The following FCF1 variants were observed in gnomAD, a reference collection of about 807,000 sequenced individuals.
FCF1 encodes the protein FCF1 rRNA-processing protein, also known as rRNA-processing protein FCF1 homolog.
Under a neutral mutation model 32.5 loss-of-function variants are expected in FCF1, and 17 were observed. The observed-to-expected ratio is 0.52, with a 90% CI of 0.36 to 0.78. The LOEUF (loss-of-function observed/expected upper bound fraction) is 0.78, where lower values mean the gene tolerates loss of function less well. Ranked by LOEUF, FCF1 falls within the 30% of genes least tolerant of loss-of-function variation. FCF1 has a pLI of 0.00. For missense variants in FCF1, 201 were observed against 241.1 expected (o/e 0.83, Z 1.10); for synonymous variants, 84 against 78.4 (o/e 1.07, Z -0.38).
At position 74,734,921 on chromosome 14, in the gene FCF1, T is replaced by G. The variant is rs755428811; in HGVS notation, c.588T>G (p.Pro196=). 1 of 1,613,754 alleles carries G rather than the reference T, an allele frequency of 6.2e-7. No individual in the cohort carries two copies. The highest frequency in any genetic ancestry group is 1.3e-5 in the African/African-American group (1 of 75,028). The change falls in exon 8 of 8, where the codon CCT becomes CCG. Residue 196 remains proline (P), a synonymous_variant. Transcript: ENST00000341162. ...IERMPDDYGA[P]RF ...GGATGCCAGATGATTATGGAGCCCC[T>G]CGATTCTAATTCTTACAAGACACAG...
intron 4 of FCF1, among the ~76,000 whole-genome samples, chr14:74,717,639 G>A (rs899689672): frequency 6.6e-6 from 1 of 152,182 alleles, no homozygotes; most frequent in African/African-American, 2.4e-5. Flanking sequence ...GACCCCATAT[G>A]GGGGAAGACA....
intron 5 of FCF1, 91 bp downstream of exon 5, chr14:74,723,435 G>C: frequency 1.1e-6 from 1 of 936,152 alleles, no homozygotes; most frequent in South Asian, 1.6e-5. Flanking sequence ...AGTTAGTTGT[G>C]AAAATCATAC....
intron 6 of FCF1, 54 bp downstream of exon 6, chr14:74,732,872 T>A: frequency 7.9e-6 from 8 of 1,012,706 alleles, no homozygotes; most frequent in Non-Finnish European, 1.2e-5. Context: ...AAATGTAAAC[T>A]ATTATCTCCT....
intron 4 of FCF1, among the ~76,000 whole-genome samples, chr14:74,721,234 A>G (rs2090498343): frequency 6.6e-6 from 1 of 151,754 alleles, no homozygotes; most frequent in East Asian, 2.0e-4. Flanking sequence ...TTTAGTAGAG[A>G]TGAGGTTTCA....
chr14:74,713,741 A>C (rs975780290), intron 2 of FCF1, 189 bp downstream of exon 2: 9 of 614,478 alleles, frequency 1.5e-5, no homozygotes, highest in Non-Finnish European at 2.3e-5. Flanking sequence ...GGCGATGGGA[A>C]TTAAACATTT....
chr14:74,728,880 T>C (rs1354942256), intron 5 of FCF1, among the ~76,000 whole-genome samples: 1 of 152,152 alleles, frequency 6.6e-6, no homozygotes, highest in South Asian at 2.1e-4. Flanking sequence ...TTGTCTTTGG[T>C]TCTGTTTATA....
rs780566531 is a variant in FCF1, at chr14:74,713,159, C to T, written c.-39C>T. 5 of 1,614,142 alleles carry T rather than the reference C, an allele frequency of 3.1e-6. No individual in the cohort carries two copies. The highest frequency in any genetic ancestry group is 2.2e-5 in the East Asian group (1 of 44,868). On this transcript the variant is annotated 5_prime_UTR_variant, in exon 1 of 8. Transcript: ENST00000341162. Reference sequence around the variant, plus strand: ...TGTGAATGACGTAGAAGTATTGCGCCGTTGGTGATTACGGAAGAACCAGGA... The same window carrying T: ...TGTGAATGACGTAGAAGTATTGCGCTGTTGGTGATTACGGAAGAACCAGGA...
chr14:74,718,009 G>C (rs1280612318), intron 4 of FCF1, among the ~76,000 whole-genome samples: 1 of 152,120 alleles, frequency 6.6e-6, no homozygotes, highest in Non-Finnish European at 1.5e-5. Context: ...CCAGTAGCTA[G>C]GACATGCCAC....
In FCF1 at chr14:74,727,466, C is replaced by T. The variant is rs542659566; in HGVS notation, c.365+4122C>T. ...TTTTGATGGGGTTGTTTGTTTTTTT[C>T]TTGTAAATTTGTTTGAGTTCATTGT... is the stretch of plus-strand genomic sequence containing the variant. On this transcript the variant is annotated intron_variant, in intron 5 of 7. Coordinates refer to ENST00000341162, the MANE Select transcript of FCF1 (RefSeq NM_015962.5). Among the ~76,000 whole-genome samples the T allele has an allele frequency of 2.0e-3, 302 of 151,896 alleles. 1 individual carries two copies. Among genetic ancestry groups the T allele is most frequent in the Middle Eastern group, 3.4e-3 (1 of 294 alleles).
At chr14:74,728,814 G>A (rs1469320131) in intron 5 of FCF1, among the ~76,000 whole-genome samples, 1 of 152,178 alleles carries the variant, frequency 6.6e-6, no homozygotes, top group African/African-American at 2.4e-5. Flanking sequence ...AGCATGAAGC[G>A]ATGTTGACTT....
intron 1 of FCF1, 126 bp from the exon 2 acceptor site, chr14:74,713,359 C>T (rs1566712186): frequency 6.4e-7 from 1 of 1,556,690 alleles, no homozygotes; most frequent in East Asian, 2.3e-5. Flanking sequence ...TTATGCTTTA[C>T]AGAGTGGGGA....
intron 5 of FCF1, among the ~76,000 whole-genome samples, chr14:74,725,292 T>A (rs1330541860): frequency 6.7e-6 from 1 of 150,150 alleles, no homozygotes; most frequent in Non-Finnish European, 1.5e-5. Context: ...GGAGTGATCC[T>A]CAACATGGTG....
At chr14:74,728,342 A>G (rs1172073221) in intron 5 of FCF1, among the ~76,000 whole-genome samples, 3 of 151,982 alleles carry the variant, frequency 2.0e-5, no homozygotes, top group African/African-American at 7.2e-5. Flanking sequence ...TTGGATTCCT[A>G]GGTATTTTAT....
intron 5 of FCF1, among the ~76,000 whole-genome samples, chr14:74,725,751 G>T (rs571662500): frequency 6.6e-6 from 1 of 151,820 alleles, no homozygotes; most frequent in East Asian, 1.9e-4. Context: ...TGGCTAACAC[G>T]GTGAAACCCT....
At chr14:74,720,154 G>T (rs2090481149) in intron 4 of FCF1, among the ~76,000 whole-genome samples, 1 of 152,192 alleles carries the variant, frequency 6.6e-6, no homozygotes, top group African/African-American at 2.4e-5. Flanking sequence ...AATGGATCCT[G>T]TATTATTTTT....
chr14:74,729,829 C>T (rs993980464), intron 5 of FCF1, among the ~76,000 whole-genome samples: 20 of 152,120 alleles, frequency 1.3e-4, no homozygotes, highest in African/African-American at 4.8e-4. Context: ...TTTCAAAGAA[C>T]ATATTTATTT....
rs1228292486 is a variant in FCF1, at chr14:74,738,437, G to T, written c.*3507G>T. 1 of 152,118 alleles carries T rather than the reference G, an allele frequency of 6.6e-6. No individual in the cohort carries two copies. The highest frequency in any genetic ancestry group is 1.5e-5 in the Non-Finnish European group (1 of 68,030). 9.4% of individuals were successfully genotyped at this position (152,118 alleles called of 1,614,324 possible). On this transcript the variant is annotated 3_prime_UTR_variant, in exon 8 of 8. Coordinates refer to ENST00000341162, the MANE Select transcript of FCF1 (RefSeq NM_015962.5). ...AGAGTTTGAATATATTAAAATTATA[G>T]ATTTCTGTGCAAGACACTCCCCTCC...
intron 5 of FCF1, 31 bp downstream of exon 5, chr14:74,723,375 G>T (rs1253740163): frequency 6.8e-7 from 1 of 1,471,576 alleles, no homozygotes; most frequent in South Asian, 1.2e-5. Flanking sequence ...ATCTGTTCTA[G>T]ATTGGTATAC....
At chr14:74,731,249 G>C (rs979521688) in intron 5 of FCF1, among the ~76,000 whole-genome samples, 3 of 152,114 alleles carry the variant, frequency 2.0e-5, no homozygotes, top group African/African-American at 4.8e-5. Context: ...TAGCTGGAGG[G>C]GGGTATAGGT....
Sources: allele counts gnomAD v4.1 joint callset (sites outside exome capture counted in the v4.1 genomes callset), GRCh38; gene constraint gnomAD v4.1.1; transcripts MANE v1.5; gene names NCBI Gene and HGNC (gene_info 2026-07-23, HGNC 2026-07-21).